EP400: variants seen among roughly 807,000 people sequenced by gnomAD.
The protein encoded by EP400 is E1A binding protein p400, also known as E1A-binding protein p400.
A neutral mutation model predicts 354.1 loss-of-function variants in EP400; 105 were observed. The ratio of observed to expected loss-of-function variants is 0.30; its 90% confidence interval spans 0.25 to 0.35. The LOEUF (loss-of-function observed/expected upper bound fraction) is 0.35, where lower values mean the gene tolerates loss of function less well. EP400 is among the 10% of genes least tolerant of loss of function. The pLI, the probability that EP400 is intolerant of heterozygous loss-of-function variation, is 1.00. For missense variants in EP400, 3,280 were observed against 4,121.0 expected (o/e 0.80, Z 5.59); for synonymous variants, 1,646 against 1,716.9 (o/e 0.96, Z 1.02).
At chr12:132,031,198 T>C (rs764683318) in intron 29 of EP400, 1 of 517,954 alleles carries the variant, frequency 1.9e-6, no homozygotes, top group South Asian at 1.4e-5. Flanking sequence ...GTTAGAGGAC[T>C]ATCCTTCACG....
chr12:132,001,425 A>T (rs1019904407), intron 12 of EP400, among the ~76,000 whole-genome samples: 1 of 152,190 alleles, frequency 6.6e-6, no homozygotes, highest in Non-Finnish European at 1.5e-5. Context: ...TGCTACTGTT[A>T]TCTAAAAGGC....
At chr12:132,033,943 A>G (rs1311501163) in intron 30 of EP400, among the ~76,000 whole-genome samples, 1 of 152,296 alleles carries the variant, frequency 6.6e-6, no homozygotes, top group East Asian at 1.9e-4. Context: ...TCCTCGAGGG[A>G]AAAAAGGAGA....
rs770892728 is a variant in EP400, at chr12:132,077,415, T to A, written c.9114T>A (p.Thr3038=). ...ASASQQASPQ[T]VALTQATAAG... is the part of the protein sequence containing the mutation. ...TCTCGGCTCAGGCTTCTCCACAGAC[T>A]GTGGCGCTCACGCAGGCGACGGCGG... is the stretch of plus-strand genomic sequence containing the variant. The change falls in exon 53 of 53, where the codon ACT becomes ACA. Residue 3038 remains threonine (T), a synonymous_variant. Coordinates refer to ENST00000389561, the MANE Select transcript of EP400 (RefSeq NM_015409.5). The A allele has an allele frequency of 1.9e-6, 3 of 1,611,922 alleles. No individual in the cohort carries two copies. Among genetic ancestry groups the A allele is most frequent in the Non-Finnish European group, 2.5e-6 (3 of 1,179,616 alleles).
Position 132,078,558 on chromosome 12 carries a change from C to T in EP400, c.*885C>T, listed in dbSNP as rs762551864. 1 of 152,294 alleles carries T rather than the reference C, an allele frequency of 6.6e-6. No homozygotes were observed. The highest frequency in any genetic ancestry group is 1.5e-5 in the Non-Finnish European group (1 of 68,080). 9.4% of individuals were successfully genotyped at this position (152,294 alleles called of 1,614,324 possible). A position where few individuals can be genotyped will look rare whatever the true frequency, so the allele number is the denominator to read the frequency against. ...GGCTGGCGTGAGGCCCAGAGGACCA[C>T]GCAGAGGCAATGGTAGTACAGATGT... On this transcript the variant is annotated 3_prime_UTR_variant, in exon 53 of 53. Coordinates refer to ENST00000389561, the MANE Select transcript of EP400 (RefSeq NM_015409.5).
At position 132,018,775 on chromosome 12, in the gene EP400, G is replaced by A. The variant is rs566049725; in HGVS notation, c.4277+399G>A. ...TAACAAGTGACATGTGAGTGATTCTGAAGTGATGCTTTTGCGGGTGTCATG... is the reference window on the plus strand; with the variant it reads ...TAACAAGTGACATGTGAGTGATTCTAAAGTGATGCTTTTGCGGGTGTCATG... On this transcript the variant is annotated intron_variant, in intron 21 of 52. Transcript: ENST00000389561. The surrounding 1 kb of genome is among the most constrained non-coding windows in gnomAD (Gnocchi z 4.0). Among the ~76,000 whole-genome samples, 2 of 152,328 alleles carry A rather than the reference G, an allele frequency of 1.3e-5. No homozygotes were observed. Among genetic ancestry groups the A allele is most frequent in the South Asian group, 4.1e-4 (2 of 4,826 alleles).
At chr12:131,952,950 C>G (rs1891566218) in intron 1 of EP400, among the ~76,000 whole-genome samples, 1 of 152,106 alleles carries the variant, frequency 6.6e-6, no homozygotes, top group African/African-American at 2.4e-5. Flanking sequence ...GTTCCTTTGC[C>G]CTTTCTCCCC....
At chr12:132,073,098 G>A (rs760669139) in intron 51 of EP400, among the ~76,000 whole-genome samples, 2 of 152,056 alleles carry the variant, frequency 1.3e-5, no homozygotes, top group African/African-American at 4.8e-5. Flanking sequence ...CCTGAAACAC[G>A]TGTCCACTTG....
At chr12:132,042,942 G>A (rs1337111246) in intron 32 of EP400, among the ~76,000 whole-genome samples, 1 of 152,218 alleles carries the variant, frequency 6.6e-6, no homozygotes, top group Non-Finnish European at 1.5e-5. Context: ...TGTGGGCAGT[G>A]GTGTGCATCG....
chr12:132,074,820 T>C (rs1440976935), intron 51 of EP400, among the ~76,000 whole-genome samples: 1 of 152,252 alleles, frequency 6.6e-6, no homozygotes, highest in African/African-American at 2.4e-5. Context: ...TCCCAAATAA[T>C]GCCTGGTCTT....
rs1020276756 is a variant in EP400 at position 132,016,291 on chromosome 12, G to A, written c.3924-1244G>A. On this transcript the variant is annotated intron_variant, in intron 19 of 52. Coordinates refer to ENST00000389561, the MANE Select transcript of EP400 (RefSeq NM_015409.5). ...AGCCCCCATGCAATGTGCTCCTCACGCATCAAGGCCTAGCTGTGTGGGGAC... is the reference window on the plus strand; with the variant it reads ...AGCCCCCATGCAATGTGCTCCTCACACATCAAGGCCTAGCTGTGTGGGGAC... Among the ~76,000 whole-genome samples, 6 of 152,216 alleles carry A rather than the reference G, an allele frequency of 3.9e-5. No individual in the cohort carries two copies. In the South Asian group the frequency reaches 6.2e-4, roughly 16 times the overall value.
At chr12:131,995,797 T>C (rs1490406436) in intron 12 of EP400, among the ~76,000 whole-genome samples, 1 of 147,756 alleles carries the variant, frequency 6.8e-6, no homozygotes. Context: ...GTGTGAGAAC[T>C]TCATGTGAAC....
chr12:132,050,197 A>G lies in EP400; in HGVS notation c.7201-126A>G. 1 of 1,217,468 alleles carries G rather than the reference A, an allele frequency of 8.2e-7. No homozygotes were observed. The highest frequency in any genetic ancestry group is 1.1e-6 in the Non-Finnish European group (1 of 873,456). 75.4% of individuals were successfully genotyped at this position (1,217,468 alleles called of 1,614,324 possible). On this transcript the variant is annotated intron_variant, in intron 39 of 52. Transcript: ENST00000389561. The surrounding 1 kb of genome is among the most constrained non-coding windows in gnomAD (Gnocchi z 4.8). ...CCTGAACTTGGAAAGAAGGCCCAGG[A>G]AAAGGAAGTTTGTGTTCAGCCATGG... is the stretch of plus-strand genomic sequence containing the variant.
intron 12 of EP400, among the ~76,000 whole-genome samples, chr12:132,004,482 G>A (rs1893516279): frequency 6.6e-6 from 1 of 151,466 alleles, no homozygotes; most frequent in African/African-American, 2.4e-5. Flanking sequence ...TTTGCTTTTT[G>A]TTTCTTCATT....
Position 131,960,604 on chromosome 12 carries a change from C to G in EP400, c.-16C>G. The G allele has an allele frequency of 6.4e-7, 1 of 1,574,502 alleles. No homozygotes were observed. Among genetic ancestry groups the G allele is most frequent in the South Asian group, 1.2e-5 (1 of 85,688 alleles). ...TTTTAGGAGAACGACACATTGGATACAGAAGGGAGGTGATCATGCACCATG... is the reference window on the plus strand; with the variant it reads ...TTTTAGGAGAACGACACATTGGATAGAGAAGGGAGGTGATCATGCACCATG... On this transcript the variant is annotated 5_prime_UTR_variant, in exon 2 of 53. Transcript: ENST00000389561.
chr12:132,043,451 T>C lies in EP400; in HGVS notation c.6355T>C (p.Phe2119Leu). The change falls in exon 33 of 53, where the codon TTC becomes CTC. Residue 2119 changes from phenylalanine to leucine, a missense_variant. Coordinates refer to ENST00000389561, the MANE Select transcript of EP400 (RefSeq NM_015409.5). ...ATCCCAATTAGAGGAGCTAGCTGAC[T>C]TCATGGAGCAGGTTTGGGCATGTTT... ...EPSQLEELAD[F>L]MEQLTPIEKY... is the part of the protein sequence containing the mutation. 2 of 1,612,906 alleles carry C rather than the reference T, an allele frequency of 1.2e-6. No homozygotes were observed. Among genetic ancestry groups the C allele is most frequent in the Non-Finnish European group, 1.7e-6 (2 of 1,179,976 alleles).
At position 132,013,839 on chromosome 12, in the gene EP400, A is replaced by G. The variant is rs376121560; in HGVS notation, c.3849A>G (p.Lys1283=). The change falls in exon 19 of 53, where the codon AAA becomes AAG. Residue 1283 remains lysine, a synonymous_variant. Transcript: ENST00000389561. This position sits in a 1 kb window ranked among gnomAD's most constrained non-coding sequence, Gnocchi z 4.5. ...ATGTGGAAAAGCAACTAACAAAGAA[A>G]TATGAGCATGTTTTGAAGTGTCGCC... ...KRDVEKQLTK[K]YEHVLKCRLS... is the part of the protein sequence containing the mutation. 332 of 1,614,162 alleles carry G rather than the reference A, an allele frequency of 2.1e-4. No individual in the cohort carries two copies. The highest frequency in any genetic ancestry group is 2.7e-4 in the Non-Finnish European group (321 of 1,180,056).
In EP400 at chr12:132,078,786, T is replaced by G. The variant is rs949710874; in HGVS notation, c.*1113T>G. 2 of 152,242 alleles carry G rather than the reference T, an allele frequency of 1.3e-5. No individual in the cohort carries two copies. The highest frequency in any genetic ancestry group is 2.9e-5 in the Non-Finnish European group (2 of 68,044). The allele number at this position is 152,242 out of a possible 1,614,324, so 9.4% of individuals were successfully genotyped here. A position where few individuals can be genotyped will look rare whatever the true frequency, so the allele number is the denominator to read the frequency against. ...GGATAAGCTTGTGTGGTTCTGCCAG[T>G]GAAGCAGAGAACCACCTGTGCTGTT... On this transcript the variant is annotated 3_prime_UTR_variant, in exon 53 of 53. Transcript: ENST00000389561.
chr12:132,037,730 T>G lies in EP400; in HGVS notation c.6000T>G (p.Thr2000=), dbSNP rs763097925. 2.5e-6 allele frequency: 4 copies of G among 1,614,232 alleles called. No homozygotes were observed. Among genetic ancestry groups the G allele is most frequent in the Non-Finnish European group, 3.4e-6 (4 of 1,180,052 alleles). Residue 2000 remains threonine (T), a synonymous_variant, in exon 31 of 53, where the codon ACT becomes ACG. Transcript: ENST00000389561. The part of the protein sequence containing the change: ...SIEEKLLKNG[T]KDLIREVAAQ... Reference sequence around the variant, plus strand: ...AAGAGAAATTGTTGAAAAATGGAACTAAAGATCTGATCCGAGAAGTGGCTG... The same window carrying G: ...AAGAGAAATTGTTGAAAAATGGAACGAAAGATCTGATCCGAGAAGTGGCTG...
At position 132,052,432 on chromosome 12, in the gene EP400, C is replaced by T. The variant is rs867638099; in HGVS notation, c.7395-714C>T. Among the ~76,000 whole-genome samples, 1 of 152,256 alleles carries T rather than the reference C, an allele frequency of 6.6e-6. No homozygotes were observed. The highest frequency in any genetic ancestry group is 2.4e-5 in the African/African-American group (1 of 41,476). On this transcript the variant is annotated intron_variant, in intron 41 of 52. Coordinates refer to ENST00000389561, the MANE Select transcript of EP400 (RefSeq NM_015409.5). The surrounding 1 kb of genome is among the most constrained non-coding windows in gnomAD (Gnocchi z 4.4). ...CCTGGCTTTCAGCCCCTTGGTGCTC[C>T]CTGAGTGTGCTGGCAGCCGCGCCCC...
Sources: gnomAD v4.1 joint callset for allele counts (sites outside exome capture counted in the v4.1 genomes callset) on GRCh38, gnomAD v4.1.1 for gene constraint, Gnocchi (gnomAD v3.1) non-coding constraint, MANE v1.5 for transcripts, NCBI Gene and HGNC (gene_info 2026-07-23, HGNC 2026-07-21) for gene names.